MTHFSD: variants seen among roughly 807,000 people sequenced by gnomAD.
MTHFSD encodes the protein methenyltetrahydrofolate synthetase domain containing.
A neutral mutation model predicts 31.1 loss-of-function variants in MTHFSD; 37 were observed. That is an observed-to-expected ratio of 1.19 (90% CI 0.91 to 1.56). The LOEUF (loss-of-function observed/expected upper bound fraction) is 1.56. Among genes scored for constraint, MTHFSD ranks in the 40% most tolerant of loss-of-function variants. The probability of loss-of-function intolerance (pLI) is 0.00; values close to 1 mark genes in which losing one functional copy is unlikely to be tolerated. For missense variants in MTHFSD, 664 were observed against 510.1 expected, an observed-to-expected ratio of 1.30 and a Z score of -2.91; for synonymous variants, 221 against 206.9, an observed-to-expected ratio of 1.07 and a Z score of -0.59.
chr16:86,554,965 T>G, intron 1 of MTHFSD: 1 of 1,299,746 alleles, frequency 7.7e-7, no homozygotes, highest in South Asian at 1.6e-5. Context: ...TATCTTTATT[T>G]TTCCTGACAT....
At position 86,532,282 on chromosome 16, in the gene MTHFSD, GGGGCTGCCT is replaced by G; in HGVS notation, c.872_880del (p.Glu291_Pro294delinsAla). 1 of 1,569,998 alleles carries G rather than the reference GGGGCTGCCT, an allele frequency of 6.4e-7. No individual in the cohort carries two copies. Among genetic ancestry groups the G allele is most frequent in the Admixed American group, 1.9e-5 (1 of 52,438 alleles). ...GGCACCCTCCCCTGGTGGGGAGCCA[GGGGCTGCCT>G]CCATGGAATTGGTTTCTGGTCCGGG... On this transcript the variant is annotated inframe_deletion, in exon 8 of 8. Transcript: ENST00000360900.
intron 7 of MTHFSD, among the ~76,000 whole-genome samples, chr16:86,533,993 C>T (rs996194634): frequency 2.6e-5 from 4 of 152,196 alleles, no homozygotes; most frequent in African/African-American, 9.7e-5. Context: ...CACTCTGCTC[C>T]CTGGCACTGC....
chr16:86,548,661 G>A (rs1387139150), intron 3 of MTHFSD, 84 bp from the exon 4 acceptor site: 2 of 1,100,756 alleles, frequency 1.8e-6, no homozygotes, highest in Non-Finnish European at 2.6e-6. Flanking sequence ...CATTTCAGGA[G>A]AAGAGGCAAA....
intron 7 of MTHFSD, among the ~76,000 whole-genome samples, chr16:86,536,242 C>G (rs1244918652): frequency 6.6e-6 from 1 of 152,174 alleles, no homozygotes; most frequent in Non-Finnish European, 1.5e-5. Context: ...TGGTTGTTCA[C>G]TGAGGAAAAT....
chr16:86,546,823 T>G (rs1179127083), intron 4 of MTHFSD, among the ~76,000 whole-genome samples, 174 bp from the exon 5 acceptor site: 1 of 152,200 alleles, frequency 6.6e-6, no homozygotes, highest in Non-Finnish European at 1.5e-5. Flanking sequence ...GAAACCGCTT[T>G]AGGGCACAGT....
intron 7 of MTHFSD, chr16:86,540,872 C>G (rs976037192): frequency 9.1e-7 from 1 of 1,102,828 alleles, no homozygotes; most frequent in Non-Finnish European, 1.1e-6. Context: ...TGGGAGTCCC[C>G]AGCAGTGCCT....
In MTHFSD at chr16:86,532,315, G is replaced by C. The variant is rs746441645; in HGVS notation, c.848C>G (p.Pro283Arg). 2 of 1,593,102 alleles carry C rather than the reference G, an allele frequency of 1.3e-6. No individual in the cohort carries two copies. Among genetic ancestry groups the C allele is most frequent in the Middle Eastern group, 1.7e-4 (1 of 5,988 alleles). Residue 283 changes from proline (P) to arginine (R), a missense_variant, in exon 8 of 8, where the codon CCC (proline) becomes CGC (arginine). Transcript: ENST00000360900. Reference sequence around the variant, plus strand: ...CTCCATGGAATTGGTTTCTGGTCCGGGTGTGTCCGGGGGCCTCCTGCCAAC... The same window carrying C: ...CTCCATGGAATTGGTTTCTGGTCCGCGTGTGTCCGGGGGCCTCCTGCCAAC... ...LSVGRRPPDT[P>R]GPETNSMEAA... is the part of the protein sequence containing the mutation.
intron 5 of MTHFSD, 86 bp downstream of exon 5, chr16:86,546,473 G>A (rs1972326243): frequency 1.7e-6 from 2 of 1,195,348 alleles, no homozygotes; most frequent in East Asian, 2.3e-5. Flanking sequence ...GACACCACTG[G>A]CGACTTTTGA....
intron 4 of MTHFSD, chr16:86,547,155 A>G (rs1972436345): frequency 1.0e-6 from 1 of 984,700 alleles, no homozygotes; most frequent in East Asian, 1.1e-4. Flanking sequence ...ACACTGTATG[A>G]CATATTTATT....
At chr16:86,553,650 G>C (rs1004066054) in intron 2 of MTHFSD, 2 of 155,922 alleles carry the variant, frequency 1.3e-5, no homozygotes, top group Non-Finnish European at 2.8e-5. Context: ...CCACCGGCGG[G>C]CTCCTGTGCA....
At chr16:86,546,529 C>T in intron 5 of MTHFSD, 30 bp downstream of exon 5, 1 of 1,597,640 alleles carries the variant, frequency 6.3e-7, no homozygotes, top group Non-Finnish European at 8.6e-7. Context: ...AGAGCTGTCA[C>T]ACTCAAGGGT....
chr16:86,546,818 C>T lies in MTHFSD; in HGVS notation c.352-169G>A, dbSNP rs376805312. On this transcript the variant is annotated intron_variant, in intron 4 of 7. Transcript: ENST00000360900. ...TCAGGAGAAGCCGCATTCCAGAAAC[C>T]GCTTTAGGGCACAGTTTCCCCAGTC... Among the ~76,000 whole-genome samples, 8 of 152,318 alleles carry T rather than the reference C, an allele frequency of 5.3e-5. No individual in the cohort carries two copies. In the East Asian group the frequency reaches 1.2e-3, roughly 22 times the overall value.
At position 86,531,115 on chromosome 16, in the gene MTHFSD, T is replaced by G. The variant is rs1228791306; in HGVS notation, c.*896A>C. 6.6e-6 allele frequency: 1 copy of G among 152,284 alleles called. No individual in the cohort carries two copies. Among genetic ancestry groups the G allele is most frequent in the South Asian group, 2.1e-4 (1 of 4,828 alleles). 9.4% of individuals were successfully genotyped at this position (152,284 alleles called of 1,614,324 possible). A position where few individuals can be genotyped will look rare whatever the true frequency, so the allele number is the denominator to read the frequency against. On this transcript the variant is annotated 3_prime_UTR_variant, in exon 8 of 8. Transcript: ENST00000360900. This position sits in a 1 kb window ranked among gnomAD's most constrained non-coding sequence, Gnocchi z 5.5. ...AAAAAATCAAAATTTCCAAAGCATA[T>G]ACATTTGAAAAAAACAAAATCTCCA... is the stretch of plus-strand genomic sequence containing the variant.
In MTHFSD at chr16:86,532,194, C is replaced by A; in HGVS notation, c.969G>T (p.Lys323Asn). ...CGGAGCCGAGTTCCCGCAGGGCTCT[C>A]TTCAGGTCACTCACACGGGCGTCCC... ...LPGDARVSDL[K>N]RALRELGSVP... Residue 323 changes from lysine (K) to asparagine (N), a missense_variant, in exon 8 of 8, where the codon AAG becomes AAT. Coordinates refer to ENST00000360900, the MANE Select transcript of MTHFSD (RefSeq NM_001159377.2). 6.3e-7 allele frequency: 1 copy of A among 1,585,934 alleles called. No individual in the cohort carries two copies. The highest frequency in any genetic ancestry group is 8.6e-7 in the Non-Finnish European group (1 of 1,166,788).
chr16:86,555,098 C>T, intron 1 of MTHFSD, 71 bp downstream of exon 1: 1 of 1,520,770 alleles, frequency 6.6e-7, no homozygotes, highest in Non-Finnish European at 8.8e-7. Context: ...GGTGGCCCCG[C>T]CTCGACCCTC....
At chr16:86,551,824 G>T (rs1024932699) in intron 3 of MTHFSD, 4 of 858,742 alleles carry the variant, frequency 4.7e-6, no homozygotes, top group Non-Finnish European at 6.7e-6. Flanking sequence ...AGAAGCATTC[G>T]GGACTCCTGA....
chr16:86,554,816 T>G (rs1260059862), intron 1 of MTHFSD, 65 bp from the exon 2 acceptor site: 22 of 1,393,032 alleles, frequency 1.6e-5, no homozygotes, highest in Non-Finnish European at 2.2e-5. Context: ...TGAAACCGCT[T>G]AACAGTAGTT....
chr16:86,532,161 C>A lies in MTHFSD; in HGVS notation c.1002G>T (p.Leu334=). The A allele has an allele frequency of 6.4e-7, 1 of 1,570,504 alleles. No individual in the cohort carries two copies. The highest frequency in any genetic ancestry group is 8.6e-7 in the Non-Finnish European group (1 of 1,157,856). Residue 334 remains leucine (L), a synonymous_variant, in exon 8 of 8, where the codon CTG becomes CTT. Transcript: ENST00000360900. ...GCCGCGGGCCCTGCCAGGTGAGCCG[C>A]AGGGGCACGGAGCCGAGTTCCCGCA... is the stretch of plus-strand genomic sequence containing the variant. The part of the protein sequence containing the change: ...RALRELGSVP[L]RLTWQGPRRR...
chr16:86,550,500 G>C (rs1972981944), intron 3 of MTHFSD, among the ~76,000 whole-genome samples: 1 of 152,146 alleles, frequency 6.6e-6, no homozygotes, highest in Non-Finnish European at 1.5e-5. Flanking sequence ...ACTGGCTCTG[G>C]AGTCAGGTGG....
Sources: gnomAD v4.1 joint callset for allele counts (sites outside exome capture counted in the v4.1 genomes callset) on GRCh38, gnomAD v4.1.1 for gene constraint, Gnocchi (gnomAD v3.1) non-coding constraint, MANE v1.5 for transcripts, NCBI Gene and HGNC (gene_info 2026-07-23, HGNC 2026-07-21) for gene names.